Variants in KLHL31 observed in about 807,000 individuals in gnomAD.
KLHL31 encodes the protein kelch like family member 31, also known as kelch-like protein 31.
A neutral mutation model predicts 47.1 loss-of-function variants in KLHL31; 32 were observed. The ratio of observed to expected loss-of-function variants is 0.68; its 90% CI spans 0.51 to 0.91. The LOEUF is 0.91. Ranked by LOEUF, KLHL31 falls within the 40% of genes least tolerant of loss-of-function variation. The pLI is 0.00. For missense variants in KLHL31, 797 were observed against 819.3 expected (o/e 0.97, Z 0.33); for synonymous variants, 330 against 325.1 (o/e 1.01, Z -0.16).
chr6:53,655,997 ACT>A (rs1764556121), intron 1 of KLHL31, among the ~76,000 whole-genome samples: 1 of 152,060 alleles, frequency 6.6e-6, no homozygotes, highest in South Asian at 2.1e-4. Flanking sequence ...AATTATAAAC[ACT>A]CTGAAGATTT....
rs1200817265 is a variant in KLHL31 at position 53,654,491 on chromosome 6, C to A, written c.782G>T (p.Gly261Val). Reference protein sequence around the residue: ...AADLLSNIRFGTISAQDLVNY... With the variant: ...AADLLSNIRFVTISAQDLVNY... ...GACCAGGTCTTGTGCAGAGATGGTA[C>A]CAAAGCGAATATTGCTCAAAAGATC... The change falls in exon 2 of 3, where the codon GGT becomes GTT. Residue 261 changes from glycine (G) to valine (V), a missense_variant. Gly to Val is a moderately radical substitution (Grantham distance 109). Coordinates refer to ENST00000370905, the MANE Select transcript of KLHL31 (RefSeq NM_001003760.5). 1 of 1,614,012 alleles carries A rather than the reference C, an allele frequency of 6.2e-7. No homozygotes were observed. The highest frequency in any genetic ancestry group is 8.5e-7 in the Non-Finnish European group (1 of 1,180,038).
At position 53,650,288 on chromosome 6, in the gene KLHL31, A is replaced by G. The variant is rs1222463697; in HGVS notation, c.*1310T>C. On this transcript the variant is annotated 3_prime_UTR_variant, in exon 3 of 3. Coordinates refer to ENST00000370905, the MANE Select transcript of KLHL31 (RefSeq NM_001003760.5). ...AAAAGGAAAATATGTATCATTTACT[A>G]CAGTCATTCCCTTTCCCCAAAACTT... The G allele has an allele frequency of 1.3e-5, 2 of 152,260 alleles. No homozygotes were observed. The highest frequency in any genetic ancestry group is 4.8e-5 in the African/African-American group (2 of 41,470). The allele number at this position is 152,260 out of a possible 1,614,324, so 9.4% of individuals were successfully genotyped here. A position where few individuals can be genotyped will look rare whatever the true frequency, so the allele number is the denominator to read the frequency against.
Position 53,655,167 on chromosome 6 carries a change from G to A in KLHL31, c.106C>T (p.Leu36Phe), listed in dbSNP as rs1428910958. 2.5e-6 allele frequency: 4 copies of A among 1,613,858 alleles called. No individual in the cohort carries two copies. Among genetic ancestry groups the A allele is most frequent in the Admixed American group, 1.7e-5 (1 of 59,984 alleles). Residue 36 changes from leucine to phenylalanine, a missense_variant, in exon 2 of 3, where the codon CTC becomes TTC. By Grantham distance (22) the Leu-to-Phe change is conservative. Coordinates refer to ENST00000370905, the MANE Select transcript of KLHL31 (RefSeq NM_001003760.5). The part of the protein sequence containing the change: ...PLNKLNALNG[L>F]LEGGNGLSCI... The stretch of plus-strand genomic sequence containing the variant: ...CTAAGGCCATTGCCTCCCTCTAGGA[G>A]CCCATTCAAAGCATTCAGTTTGTTT...
intron 1 of KLHL31, among the ~76,000 whole-genome samples, chr6:53,661,552 G>A (rs936286900): frequency 6.6e-6 from 1 of 152,174 alleles, no homozygotes; most frequent in Admixed American, 6.5e-5. Context: ...AAGGAAAGTG[G>A]AACAATTTAA....
At position 53,650,327 on chromosome 6, in the gene KLHL31, G is replaced by A. The variant is rs1764446350; in HGVS notation, c.*1271C>T. 1 of 152,058 alleles carries A rather than the reference G, an allele frequency of 6.6e-6. No homozygotes were observed. The highest frequency in any genetic ancestry group is 2.4e-5 in the African/African-American group (1 of 41,402). 9.4% of individuals were successfully genotyped at this position (152,058 alleles called of 1,614,324 possible). A position where few individuals can be genotyped will look rare whatever the true frequency, so the allele number is the denominator to read the frequency against. ...TCCCCAAAACTTGGCAAACATATAG[G>A]AAAAGTGCTATCAAGTGGGTACACT... On this transcript the variant is annotated 3_prime_UTR_variant, in exon 3 of 3. Transcript: ENST00000370905.
At position 53,650,097 on chromosome 6, in the gene KLHL31, G is replaced by C. The variant is rs1311254455; in HGVS notation, c.*1501C>G. ...CAATAACCTATCTACACAAGGTGGA[G>C]AGGATGAGATTAACAAAAACCAAAT... is the stretch of plus-strand genomic sequence containing the variant. On this transcript the variant is annotated 3_prime_UTR_variant, in exon 3 of 3. Coordinates refer to ENST00000370905, the MANE Select transcript of KLHL31 (RefSeq NM_001003760.5). The C allele has an allele frequency of 6.6e-6, 1 of 152,128 alleles. No individual in the cohort carries two copies. Among genetic ancestry groups the C allele is most frequent in the Non-Finnish European group, 1.5e-5 (1 of 68,004 alleles). The allele number at this position is 152,128 out of a possible 1,614,324, so 9.4% of individuals were successfully genotyped here.
Position 53,655,178 on chromosome 6 carries a change from G to T in KLHL31, c.95C>A (p.Ala32Asp), listed in dbSNP as rs776742115. ...GCCTCCCTCTAGGAGCCCATTCAAA[G>T]CATTCAGTTTGTTTAGGGGGCTATC... ...VEDSPLNKLN[A>D]LNGLLEGGNG... is the part of the protein sequence containing the mutation. The change falls in exon 2 of 3, where the codon GCT becomes GAT. Residue 32 changes from alanine (A) to aspartate (D), a missense_variant. Transcript: ENST00000370905. The T allele has an allele frequency of 6.2e-7, 1 of 1,613,978 alleles. No individual in the cohort carries two copies. The highest frequency in any genetic ancestry group is 1.1e-5 in the South Asian group (1 of 91,046).
intron 1 of KLHL31, among the ~76,000 whole-genome samples, chr6:53,657,436 T>C (rs372153950): frequency 1.3e-5 from 2 of 152,356 alleles, no homozygotes; most frequent in South Asian, 2.1e-4. Flanking sequence ...TTTTCTCTTT[T>C]CACTAGTAGT....
intron 2 of KLHL31, among the ~76,000 whole-genome samples, chr6:53,653,693 A>T (rs1005990606): frequency 2.8e-4 from 43 of 152,306 alleles, no homozygotes; most frequent in African/African-American, 9.1e-4. Flanking sequence ...TACATTTTGT[A>T]TTATTCTATT....
In KLHL31 at chr6:53,651,774, C is replaced by G. The variant is rs116517160; in HGVS notation, c.1729G>C (p.Glu577Gln). Residue 577 changes from glutamate to glutamine, a missense_variant, in exon 3 of 3, where the codon GAG becomes CAG. Coordinates refer to ENST00000370905, the MANE Select transcript of KLHL31 (RefSeq NM_001003760.5). ...TGGATGCACTTCTTGTACTTCTTCTCGCCCTCGTTCCAGCCCCCCACCAGG... is the reference window on the plus strand; with the variant it reads ...TGGATGCACTTCTTGTACTTCTTCTGGCCCTCGTTCCAGCCCCCCACCAGG... ...AYLVGGWNEG[E>Q]KKYKKCIQCF... The G allele has an allele frequency of 6.2e-7, 1 of 1,613,966 alleles. No homozygotes were observed. The highest frequency in any genetic ancestry group is 8.5e-7 in the Non-Finnish European group (1 of 1,180,050).
intron 1 of KLHL31, among the ~76,000 whole-genome samples, chr6:53,656,473 G>C (rs995436580): frequency 6.6e-6 from 1 of 151,898 alleles, no homozygotes; most frequent in Non-Finnish European, 1.5e-5. Flanking sequence ...CAAAATAAAG[G>C]GTAGAAACCC....
chr6:53,662,876 A>C (rs756875862), intron 1 of KLHL31, among the ~76,000 whole-genome samples: 1 of 152,214 alleles, frequency 6.6e-6, no homozygotes, highest in Non-Finnish European at 1.5e-5. Context: ...AAACTGTTTT[A>C]TGTATTTAAT....
At position 53,652,177 on chromosome 6, in the gene KLHL31, G is replaced by A; in HGVS notation, c.1326C>T (p.Ser442=). 1 of 1,609,982 alleles carries A rather than the reference G, an allele frequency of 6.2e-7. No individual in the cohort carries two copies. The highest frequency in any genetic ancestry group is 8.5e-7 in the Non-Finnish European group (1 of 1,179,836). ...GCGTCTTCGGCTGCCACTGATTGGT[G>A]GAGGGCACGTAGCACTCCAGCGAGG... ...SLASLECYVP[S]TNQWQPKTPL... Residue 442 remains serine (S), a synonymous_variant, in exon 3 of 3, where the codon TCC becomes TCT. Coordinates refer to ENST00000370905, the MANE Select transcript of KLHL31 (RefSeq NM_001003760.5).
At chr6:53,660,781 C>T (rs1459739331) in intron 1 of KLHL31, among the ~76,000 whole-genome samples, 2 of 152,188 alleles carry the variant, frequency 1.3e-5, no homozygotes, top group African/African-American at 4.8e-5. Flanking sequence ...TGCACCACTG[C>T]CCTCCAGCCT....
rs1377518231 is a variant in KLHL31, at chr6:53,649,508, C to T, written c.*2090G>A. The T allele has an allele frequency of 6.6e-6, 1 of 152,150 alleles. No homozygotes were observed. 9.4% of individuals were successfully genotyped at this position (152,150 alleles called of 1,614,324 possible). ...AGCCACTGCCAAGTTTTTGCACAAC[C>T]TAATTTATCAAGCTTTGATAGATGA... On this transcript the variant is annotated 3_prime_UTR_variant, in exon 3 of 3. Transcript: ENST00000370905.
Position 53,651,421 on chromosome 6 carries a change from A to AAAAAAAAAAAAAAATT in KLHL31, c.*176_*177insAATTTTTTTTTTTTTT. 8.2e-6 allele frequency: 3 copies of AAAAAAAAAAAAAAATT among 364,526 alleles called. No homozygotes were observed. The highest frequency in any genetic ancestry group is 4.7e-5 in the East Asian group (1 of 21,070). 22.6% of individuals were successfully genotyped at this position (364,526 alleles called of 1,614,324 possible). On this transcript the variant is annotated 3_prime_UTR_variant, in exon 3 of 3. Transcript: ENST00000370905. ...TGCTAAAAAAAAAAAAAAAAAAAAGAGGTAGATTATGCCATACCAGGAATT... is the reference window on the plus strand; with the variant it reads ...TGCTAAAAAAAAAAAAAAAAAAAAGAAAAAAAAAAAAAAATTGGTAGATTATGCCATACCAGGAATT...
At chr6:53,657,912 T>C (rs1275637424) in intron 1 of KLHL31, among the ~76,000 whole-genome samples, 1 of 152,184 alleles carries the variant, frequency 6.6e-6, no homozygotes, top group Non-Finnish European at 1.5e-5. Flanking sequence ...TTTACAAGGC[T>C]GTAGCACATA....
At chr6:53,658,597 C>T (rs1243991961) in intron 1 of KLHL31, among the ~76,000 whole-genome samples, 1 of 151,984 alleles carries the variant, frequency 6.6e-6, no homozygotes, top group Non-Finnish European at 1.5e-5. Flanking sequence ...GTGGGAGGGA[C>T]TCAGAGAAGT....
intron 2 of KLHL31, 22 bp downstream of exon 2, chr6:53,654,079 T>G: frequency 6.4e-7 from 1 of 1,562,046 alleles, no homozygotes; most frequent in Non-Finnish European, 8.7e-7. Context: ...GCCATTTCAG[T>G]TCCTAATAAA....
Sources: gnomAD v4.1 joint callset for allele counts (sites outside exome capture counted in the v4.1 genomes callset) on GRCh38, gnomAD v4.1.1 for gene constraint, MANE v1.5 for transcripts, NCBI Gene and HGNC (gene_info 2026-07-23, HGNC 2026-07-21) for gene names.